Variants in L3MBTL3 observed in about 807,000 individuals in gnomAD.
L3MBTL3 encodes the protein lethal(3)malignant brain tumor-like protein 3.
A neutral mutation model predicts 102.3 loss-of-function variants in L3MBTL3; 27 were observed. The observed-to-expected ratio is 0.26, with a 90% CI of 0.19 to 0.36. The LOEUF (loss-of-function observed/expected upper bound fraction) is 0.36, where lower values mean the gene tolerates loss of function less well. Among genes scored for constraint, L3MBTL3 ranks in the 10% least tolerant of loss-of-function variants. The pLI, the probability that L3MBTL3 is intolerant of heterozygous loss-of-function variation, is 1.00. For missense variants in L3MBTL3, 798 were observed against 955.3 expected, an observed-to-expected ratio of 0.84 and a Z score of 2.17; for synonymous variants, 340 against 320.9, an observed-to-expected ratio of 1.06 and a Z score of -0.64.
Position 130,049,401 on chromosome 6 carries a change from TG to T in L3MBTL3, c.214+11del, listed in dbSNP as rs1245720449. Reference sequence around the variant, plus strand: ...TACCAACTGCTCAAGAAGGTAAGGATGGGTCATCTGCATTTTATTTCTTGCT... The same window carrying T: ...TACCAACTGCTCAAGAAGGTAAGGATGGTCATCTGCATTTTATTTCTTGCT... On this transcript the variant is annotated intron_variant, in intron 4 of 22. Transcript: ENST00000361794. 7.0e-7 allele frequency: 1 copy of T among 1,436,220 alleles called. No individual in the cohort carries two copies. Among genetic ancestry groups the T allele is most frequent in the Non-Finnish European group, 9.7e-7 (1 of 1,030,434 alleles). The allele number at this position is 1,436,220 out of a possible 1,614,324, so 89.0% of individuals were successfully genotyped here. A position where few individuals can be genotyped will look rare whatever the true frequency, so the allele number is the denominator to read the frequency against.
At chr6:130,030,884 G>A (rs1016963768) in intron 2 of L3MBTL3, among the ~76,000 whole-genome samples, 17 of 151,672 alleles carry the variant, frequency 1.1e-4, no homozygotes, top group Admixed American at 9.8e-4. Flanking sequence ...AGTAGTTTGA[G>A]GGTCAAATAG....
intron 14 of L3MBTL3, among the ~76,000 whole-genome samples, chr6:130,080,908 T>G (rs780771508): frequency 6.6e-6 from 1 of 152,132 alleles, no homozygotes; most frequent in Admixed American, 6.6e-5. Context: ...AAGACACCCT[T>G]TCTCTGATCT....
In L3MBTL3 at chr6:130,139,670, A is replaced by C; in HGVS notation, c.2260A>C (p.Ile754Leu). 6.2e-7 allele frequency: 1 copy of C among 1,612,292 alleles called. No individual in the cohort carries two copies. ...AACAGACATTGTTAAAATTATGAGC[A>C]TTAAACTGGGCCCTGCTCTCAAAAT... Reference protein sequence around the residue: ...TQTDIVKIMSIKLGPALKIFN... With the variant: ...TQTDIVKIMSLKLGPALKIFN... Residue 754 changes from isoleucine to leucine, a missense_variant, in exon 23 of 23, where the codon ATT (isoleucine) becomes CTT (leucine). Coordinates refer to ENST00000361794, the MANE Select transcript of L3MBTL3 (RefSeq NM_032438.4).
intron 20 of L3MBTL3, among the ~76,000 whole-genome samples, chr6:130,123,421 T>G (rs916395019): frequency 6.6e-6 from 1 of 152,200 alleles, no homozygotes; most frequent in African/African-American, 2.4e-5. Flanking sequence ...CTTATTGTCT[T>G]ACTTTTTGTT....
At chr6:130,024,717 A>T (rs1779230608) in intron 2 of L3MBTL3, among the ~76,000 whole-genome samples, 1 of 152,156 alleles carries the variant, frequency 6.6e-6, no homozygotes, top group South Asian at 2.1e-4. Context: ...TTACTTAACC[A>T]GTTTTTTTCT....
intron 19 of L3MBTL3, among the ~76,000 whole-genome samples, chr6:130,112,424 A>G (rs1562322505): frequency 1.3e-5 from 2 of 152,308 alleles, no homozygotes; most frequent in East Asian, 3.9e-4. Flanking sequence ...ACCATTCCAG[A>G]TATGTAAGGA....
chr6:130,112,743 C>T lies in L3MBTL3; in HGVS notation c.1887-8136C>T, dbSNP rs1469682298. Among the ~76,000 whole-genome samples, 3 of 150,606 alleles carry T rather than the reference C, an allele frequency of 2.0e-5. No homozygotes were observed. In the East Asian group the frequency reaches 5.8e-4, roughly 29 times the overall value. ...CCCACCCTGAATCCACCTGGTATGC[C>T]GAATGCTTGGATCTCTTTTCCTACA... On this transcript the variant is annotated intron_variant, in intron 19 of 22. Transcript: ENST00000361794.
intron 19 of L3MBTL3, among the ~76,000 whole-genome samples, chr6:130,111,207 G>A (rs1261266113): frequency 6.6e-6 from 1 of 152,184 alleles, no homozygotes; most frequent in African/African-American, 2.4e-5. Context: ...AAAAAGCTTA[G>A]TTGTCACGCT....
chr6:130,064,841 G>A (rs924163918), intron 10 of L3MBTL3, among the ~76,000 whole-genome samples: 2 of 152,210 alleles, frequency 1.3e-5, no homozygotes, highest in Admixed American at 6.5e-5. Context: ...GGGGAGAACA[G>A]AGAGAGCTTG....
chr6:130,072,658 C>G (rs964953492), intron 13 of L3MBTL3, among the ~76,000 whole-genome samples: 3 of 152,162 alleles, frequency 2.0e-5, no homozygotes, highest in African/African-American at 7.2e-5. Context: ...AGTATGTTTC[C>G]TCTGTATTCC....
rs770984552 is a variant in L3MBTL3, at chr6:130,104,411, C to G, written c.1737-15C>G. 2 of 1,457,396 alleles carry G rather than the reference C, an allele frequency of 1.4e-6. No homozygotes were observed. The highest frequency in any genetic ancestry group is 2.6e-5 in the Admixed American group (1 of 38,722). 90.3% of individuals were successfully genotyped at this position (1,457,396 alleles called of 1,614,324 possible). ...TTCAATGTTCTTTTTTTTTTCTTTT[C>G]TTTTAATCTGTTAGTGCTGCCAACT... On this transcript the variant is annotated splice_polypyrimidine_tract_variant and intron_variant, in intron 18 of 22. Transcript: ENST00000361794.
chr6:130,059,084 A>T (rs1324870464), intron 9 of L3MBTL3, among the ~76,000 whole-genome samples: 1 of 152,222 alleles, frequency 6.6e-6, no homozygotes, highest in Non-Finnish European at 1.5e-5. Flanking sequence ...CATTAAAAAA[A>T]AAGTTTAAAT....
intron 1 of L3MBTL3, among the ~76,000 whole-genome samples, chr6:130,020,004 G>T (rs1405882483): frequency 7.6e-6 from 1 of 131,392 alleles, no homozygotes; most frequent in Non-Finnish European, 1.7e-5. Context: ...CGGCGGCGGC[G>T]GCCGCGCCGG....
intron 9 of L3MBTL3, among the ~76,000 whole-genome samples, chr6:130,058,116 G>A (rs1471204269): frequency 7.5e-6 from 1 of 132,730 alleles, no homozygotes; most frequent in African/African-American, 3.1e-5. Context: ...GCAGTCCGCA[G>A]TCCGGCCTGG....
At chr6:130,064,334 G>A (rs115943004) in intron 10 of L3MBTL3, among the ~76,000 whole-genome samples, 1 of 152,150 alleles carries the variant, frequency 6.6e-6, no homozygotes, top group African/African-American at 2.4e-5. Flanking sequence ...AGAGGCATCT[G>A]GGGGTAACTG....
intron 14 of L3MBTL3, among the ~76,000 whole-genome samples, chr6:130,082,950 C>G (rs905524848): frequency 2.6e-5 from 4 of 152,166 alleles, no homozygotes; most frequent in Non-Finnish European, 2.9e-5. Context: ...ATATTTGCTG[C>G]TTTTCTCAGT....
intron 9 of L3MBTL3, among the ~76,000 whole-genome samples, chr6:130,058,897 T>C (rs17058313): frequency 8.2e-4 from 125 of 152,338 alleles, no homozygotes; most frequent in Middle Eastern, 3.4e-3. Flanking sequence ...TATATTTTTA[T>C]GTAGGTGTGA....
At chr6:130,078,408 C>A (rs930521595) in intron 13 of L3MBTL3, 150 bp from the exon 14 acceptor site, 21 of 529,108 alleles carry the variant, frequency 4.0e-5, no homozygotes, top group Non-Finnish European at 6.0e-5. Context: ...TTAAAAAGTT[C>A]TTTGGTTTAG....
chr6:130,034,049 G>C (rs924987436), intron 2 of L3MBTL3, among the ~76,000 whole-genome samples: 2 of 152,146 alleles, frequency 1.3e-5, no homozygotes, highest in Non-Finnish European at 2.9e-5. Flanking sequence ...CAGAGGACTG[G>C]TATCTTCCCT....
Sources: allele counts gnomAD v4.1 joint callset (sites outside exome capture counted in the v4.1 genomes callset), GRCh38; gene constraint gnomAD v4.1.1; transcripts MANE v1.5; gene names NCBI Gene and HGNC (gene_info 2026-07-23, HGNC 2026-07-21).